The following SLC6A6 variants were observed in gnomAD, a reference collection of about 807,000 sequenced individuals.
The protein encoded by SLC6A6 is sodium- and chloride-dependent taurine transporter.
Under a neutral mutation model 68.8 loss-of-function variants are expected in SLC6A6, and 16 were observed. That is an observed-to-expected ratio of 0.23 (90% CI 0.16 to 0.35). SLC6A6 has a LOEUF of 0.35. SLC6A6 is among the 10% of genes least tolerant of loss of function. SLC6A6 has a pLI of 1.00. For synonymous variants in SLC6A6, 312 were observed against 315.4 expected (o/e 0.99, Z 0.12); for missense variants, 474 against 802.8 (o/e 0.59, Z 4.95).
At position 14,477,331 on chromosome 3, in the gene SLC6A6, A is replaced by T; in HGVS notation, c.1336A>T (p.Met446Leu). ...CATCAGCTACCTGCTGGGGCTGACG[A>T]TGGTGACGGAGGTAGGTGGCTCTCT... ...CSISYLLGLT[M>L]VTEGGMYVFQ... The change falls in exon 11 of 15, where the codon ATG (methionine) becomes TTG (leucine). Residue 446 changes from methionine (M) to leucine (L), a missense_variant. By Grantham distance (15) the Met-to-Leu change is conservative (BLOSUM62 2). This residue lies in a region of SLC6A6 where 194 missense variants were observed against 269.8 expected (regional missense o/e 0.72). Coordinates refer to ENST00000622186, the MANE Select transcript of SLC6A6 (RefSeq NM_003043.6). This position sits in a 1 kb window ranked among gnomAD's most constrained non-coding sequence, Gnocchi z 4.2. 2 of 1,614,122 alleles carry T rather than the reference A, an allele frequency of 1.2e-6. No homozygotes were observed. The highest frequency in any genetic ancestry group is 1.7e-6 in the Non-Finnish European group (2 of 1,179,984).
intron 1 of SLC6A6, among the ~76,000 whole-genome samples, chr3:14,405,191 T>G (rs1444256361): frequency 6.6e-6 from 1 of 152,174 alleles, no homozygotes; most frequent in Non-Finnish European, 1.5e-5. Flanking sequence ...GGCAGGAAAG[T>G]GAGCCTATGG....
rs762835002 is a variant in SLC6A6, at chr3:14,457,931, G to A, written c.600-19G>A. 1.2e-6 allele frequency: 2 copies of A among 1,613,740 alleles called. No homozygotes were observed. Among genetic ancestry groups the A allele is most frequent in the Admixed American group, 3.3e-5 (2 of 60,028 alleles). On this transcript the variant is annotated intron_variant, in intron 5 of 14. Transcript: ENST00000622186. Reference sequence around the variant, plus strand: ...GGGCCAGGCCCCTCACTGACTCCTGGCTCTGTGTTTGCTTCAAGGCGCAAC... The same window carrying A: ...GGGCCAGGCCCCTCACTGACTCCTGACTCTGTGTTTGCTTCAAGGCGCAAC...
intron 13 of SLC6A6, among the ~76,000 whole-genome samples, chr3:14,480,764 A>G (rs1296822453): frequency 6.6e-6 from 1 of 152,244 alleles, no homozygotes; most frequent in African/African-American, 2.4e-5. Flanking sequence ...AGATGCTGTC[A>G]TTCTGACTAG....
intron 6 of SLC6A6, among the ~76,000 whole-genome samples, chr3:14,461,977 GAA>G (rs1368108416): frequency 6.6e-6 from 1 of 152,242 alleles, no homozygotes; most frequent in African/African-American, 2.4e-5. Context: ...AGGGGATGGA[GAA>G]AAGTTGTCCT....
At chr3:14,447,465 TGA>T in intron 4 of SLC6A6, 115 bp from the exon 5 acceptor site, 1 of 1,304,792 alleles carries the variant, frequency 7.7e-7, no homozygotes, top group Admixed American at 2.0e-5. Context: ...TGGTCACTGT[TGA>T]AAGGCCTCTT....
At chr3:14,411,503 G>C (rs926196630) in intron 1 of SLC6A6, among the ~76,000 whole-genome samples, 4 of 152,206 alleles carry the variant, frequency 2.6e-5, no homozygotes, top group African/African-American at 4.8e-5. Flanking sequence ...GTGGACTTCA[G>C]CTCGCCCTGC....
chr3:14,405,534 A>C (rs1340892553), intron 1 of SLC6A6, among the ~76,000 whole-genome samples: 1 of 152,194 alleles, frequency 6.6e-6, no homozygotes, highest in Non-Finnish European at 1.5e-5. Context: ...TCTGCCTGGG[A>C]ATTGGGGTTG....
At chr3:14,431,662 C>G (rs1446942222) in intron 2 of SLC6A6, among the ~76,000 whole-genome samples, 2 of 152,120 alleles carry the variant, frequency 1.3e-5, no homozygotes, top group Non-Finnish European at 2.9e-5. Context: ...GTAGAGCAGG[C>G]ACCTGTGCTC....
intron 5 of SLC6A6, 31 bp downstream of exon 5, chr3:14,447,847 G>C (rs995600798): frequency 6.2e-7 from 1 of 1,612,728 alleles, no homozygotes; most frequent in South Asian, 1.1e-5. Flanking sequence ...CAAGGAGGAG[G>C]ACATGGGTGG....
rs544350666 is a variant in SLC6A6 at position 14,420,304 on chromosome 3, G to T, written c.-12+3851G>T. Among the ~76,000 whole-genome samples the T allele has an allele frequency of 5.3e-5, 8 of 152,212 alleles. No homozygotes were observed. In the South Asian group the frequency reaches 1.7e-3, roughly 32 times the overall value. ...AAAAATTAGCTGTGCGTGATGGTGC[G>T]CACCTGTAGTTCCAGCTACTCTGGA... On this transcript the variant is annotated intron_variant, in intron 2 of 14. Transcript: ENST00000622186.
intron 4 of SLC6A6, among the ~76,000 whole-genome samples, 180 bp from the exon 5 acceptor site, chr3:14,447,402 G>A (rs1700150524): frequency 6.6e-6 from 1 of 152,102 alleles, no homozygotes; most frequent in South Asian, 2.1e-4. Flanking sequence ...CTAACCATCT[G>A]TTGTTTCACC....
intron 10 of SLC6A6, among the ~76,000 whole-genome samples, chr3:14,474,011 G>T (rs1466504388): frequency 2.6e-5 from 4 of 152,176 alleles, no homozygotes; most frequent in Admixed American, 2.6e-4. Flanking sequence ...CGTGTCAGTG[G>T]CACACGGAGA....
intron 1 of SLC6A6, among the ~76,000 whole-genome samples, chr3:14,406,620 T>G (rs1049487585): frequency 1.2e-4 from 19 of 152,212 alleles, no homozygotes; most frequent in African/African-American, 4.6e-4. Flanking sequence ...ACAGCCCTAG[T>G]GTCTCTAGGT....
chr3:14,415,912 G>A (rs557478177), intron 1 of SLC6A6, among the ~76,000 whole-genome samples: 1 of 152,304 alleles, frequency 6.6e-6, no homozygotes, highest in Admixed American at 6.5e-5. Context: ...GTCAGGCTAT[G>A]TGACTGAGCT....
In SLC6A6 at chr3:14,468,741, G is replaced by A. The variant is rs561124905; in HGVS notation, c.1096+529G>A. Among the ~76,000 whole-genome samples the A allele has an allele frequency of 8.5e-5, 13 of 152,310 alleles. No individual in the cohort carries two copies. The South Asian group carries it at 1.2e-3, about 15-fold the overall frequency. On this transcript the variant is annotated intron_variant, in intron 9 of 14. Transcript: ENST00000622186. This position sits in a 1 kb window ranked among gnomAD's most constrained non-coding sequence, Gnocchi z 4.5. The stretch of plus-strand genomic sequence containing the variant: ...TGGGTGCAGTGTGTGGGGGGAGGGC[G>A]TAGATGAGGGGACGACCTACTGGGA...
rs115439371 is a variant in SLC6A6 at position 14,440,350 on chromosome 3, C to T, written c.-11-3274C>T. Among the ~76,000 whole-genome samples the T allele has an allele frequency of 9.9e-3, 1,511 of 152,082 alleles. 22 individuals carry two copies. The highest frequency in any genetic ancestry group is 0.035 in the African/African-American group (1,437 of 41,452). ...GGGAGCCAGGGGGCTTTTTATACTGCGGCTCCAACAGCCAGTGGGGAAGGT... is the reference window on the plus strand; with the variant it reads ...GGGAGCCAGGGGGCTTTTTATACTGTGGCTCCAACAGCCAGTGGGGAAGGT... On this transcript the variant is annotated intron_variant, in intron 2 of 14. Transcript: ENST00000622186.
intron 14 of SLC6A6, among the ~76,000 whole-genome samples, chr3:14,482,525 G>A (rs1318585817): frequency 6.6e-6 from 1 of 152,198 alleles, no homozygotes; most frequent in East Asian, 1.9e-4. Context: ...TTTGAGCTTG[G>A]GCTGGCTCCA....
intron 9 of SLC6A6, among the ~76,000 whole-genome samples, chr3:14,471,229 G>A (rs531513741): frequency 9.9e-4 from 140 of 141,592 alleles, no homozygotes; most frequent in African/African-American, 3.5e-3. Flanking sequence ...AATTATTTCC[G>A]TTGGCATCCG....
Position 14,450,325 on chromosome 3 carries a change from C to G in SLC6A6, c.599+2509C>G, listed in dbSNP as rs1197242060. ...TTCTGGGACCCTTGCCTTCCAGAAT[C>G]TCCATTCTGAGCACCCCAGCTCCAT... is the stretch of plus-strand genomic sequence containing the variant. On this transcript the variant is annotated intron_variant, in intron 5 of 14. Coordinates refer to ENST00000622186, the MANE Select transcript of SLC6A6 (RefSeq NM_003043.6). This position sits in a 1 kb window ranked among gnomAD's most constrained non-coding sequence, Gnocchi z 4.1. 6.6e-6 allele frequency among the ~76,000 whole-genome samples: 1 copy of G among 152,146 alleles called. No individual in the cohort carries two copies. The highest frequency in any genetic ancestry group is 2.4e-5 in the African/African-American group (1 of 41,424).
Sources: gnomAD v4.1 joint callset for allele counts (sites outside exome capture counted in the v4.1 genomes callset) on GRCh38, gnomAD v4.1.1 for gene constraint, gnomAD v4.1.1 regional missense constraint, Gnocchi (gnomAD v3.1) non-coding constraint, MANE v1.5 for transcripts, NCBI Gene and HGNC (gene_info 2026-07-23, HGNC 2026-07-21) for gene names.